The following USH2A variants were observed in gnomAD, a reference collection of about 807,000 sequenced individuals.
USH2A encodes Usher syndrome 2A (autosomal recessive, mild).
In USH2A, 443 loss-of-function variants were observed where a neutral mutation model predicts 538.9. The observed-to-expected ratio is 0.82, with a 90% CI of 0.76 to 0.89. The LOEUF (loss-of-function observed/expected upper bound fraction) is 0.89, where lower values mean the gene tolerates loss of function less well. Ranked by LOEUF, USH2A falls within the 40% of genes least tolerant of loss-of-function variation. USH2A has a pLI of 0.00. For missense variants in USH2A, 6,633 were observed against 6,324.8 expected (o/e 1.05, Z -1.65); for synonymous variants, 2,413 against 2,273.5 (o/e 1.06, Z -1.75).
intron 21 of USH2A, among the ~76,000 whole-genome samples, chr1:216,108,743 T>C (rs1571967917): frequency 6.6e-6 from 1 of 152,092 alleles, no homozygotes; most frequent in African/African-American, 2.4e-5. Flanking sequence ...ATTATACTTA[T>C]CCAATAAAGT....
intron 4 of USH2A, 129 bp downstream of exon 4, chr1:216,364,824 G>T: frequency 1.6e-6 from 2 of 1,212,764 alleles, no homozygotes; most frequent in Non-Finnish European, 2.3e-6. Context: ...CCATCCAGTT[G>T]GTGGTAATTT....
At chr1:215,952,883 T>C (rs1666958528) in intron 37 of USH2A, among the ~76,000 whole-genome samples, 2 of 152,060 alleles carry the variant, frequency 1.3e-5, no homozygotes, top group Admixed American at 1.3e-4. Context: ...TCGAGGAGTA[T>C]CTTTGCAAAA....
At chr1:216,256,845 G>C (rs1019062777) in intron 11 of USH2A, among the ~76,000 whole-genome samples, 1 of 151,872 alleles carries the variant, frequency 6.6e-6, no homozygotes, top group South Asian at 2.1e-4. Flanking sequence ...TCAATGGTAG[G>C]CCATTAGTAG....
intron 38 of USH2A, among the ~76,000 whole-genome samples, chr1:215,914,644 C>T (rs1571808609): frequency 6.6e-6 from 1 of 152,118 alleles, no homozygotes; most frequent in Non-Finnish European, 1.5e-5. Flanking sequence ...CTTGATCTAT[C>T]CAATATCTCC....
At position 216,163,794 on chromosome 1, in the gene USH2A, T is replaced by C. The variant is rs532223515; in HGVS notation, c.4627+11458A>G. Among the ~76,000 whole-genome samples, 46 of 151,918 alleles carry C rather than the reference T, an allele frequency of 3.0e-4. 1 individual carries two copies. In the South Asian group the frequency reaches 8.5e-3, roughly 28 times the overall value. ...TAATTTTTTGCCTGTCTTTTTTTTT[T>C]CCCTAAGACTATGCAATAGAGGAAT... On this transcript the variant is annotated intron_variant, in intron 21 of 71. Transcript: ENST00000307340.
chr1:216,289,497 G>C (rs1002853157), intron 10 of USH2A, 87 bp from the exon 11 acceptor site: 50 of 1,584,626 alleles, frequency 3.2e-5, no homozygotes, highest in Admixed American at 1.3e-4. Flanking sequence ...ATTCCTTTGA[G>C]GGAATTCTAT....
At chr1:215,960,876 T>G (rs1350363803) in intron 37 of USH2A, among the ~76,000 whole-genome samples, 2 of 152,078 alleles carry the variant, frequency 1.3e-5, no homozygotes, top group Non-Finnish European at 2.9e-5. Flanking sequence ...CTGTTCCACT[T>G]GTCACACCAT....
chr1:215,821,121 A>G (rs1341809105), intron 47 of USH2A, among the ~76,000 whole-genome samples: 1 of 151,744 alleles, frequency 6.6e-6, no homozygotes, highest in Non-Finnish European at 1.5e-5. Context: ...GAATTGCTAC[A>G]TTATACAGTA....
intron 32 of USH2A, among the ~76,000 whole-genome samples, chr1:216,042,230 T>C (rs2030308111): frequency 6.6e-6 from 1 of 152,078 alleles, no homozygotes; most frequent in Non-Finnish European, 1.5e-5. Context: ...CTCAATTTTG[T>C]TAACATGAAT....
intron 38 of USH2A, among the ~76,000 whole-genome samples, chr1:215,923,806 G>C (rs1666164323): frequency 6.6e-6 from 1 of 151,988 alleles, no homozygotes; most frequent in Non-Finnish European, 1.5e-5. Context: ...AATGGTGAGA[G>C]GGATAGAGAA....
chr1:215,764,411 G>A (rs1558087920), intron 56 of USH2A, among the ~76,000 whole-genome samples: 1 of 152,120 alleles, frequency 6.6e-6, no homozygotes, highest in Non-Finnish European at 1.5e-5. Context: ...GAACTCACAT[G>A]GATGGCAGTA....
chr1:215,721,947 C>T (rs541376538), intron 61 of USH2A, among the ~76,000 whole-genome samples: 1 of 152,034 alleles, frequency 6.6e-6, no homozygotes, highest in African/African-American at 2.4e-5. Context: ...CACCTATAGT[C>T]CCAGCTACTT....
chr1:215,800,054 G>C (rs1662278223), intron 49 of USH2A, among the ~76,000 whole-genome samples: 2 of 151,936 alleles, frequency 1.3e-5, no homozygotes, highest in Non-Finnish European at 1.5e-5. Flanking sequence ...TAAAATCAAA[G>C]GACTCAAATA....
chr1:216,009,492 G>A (rs2102490738), intron 32 of USH2A, among the ~76,000 whole-genome samples: 1 of 152,202 alleles, frequency 6.6e-6, no homozygotes, highest in Non-Finnish European at 1.5e-5. Context: ...ACGGTCTGAG[G>A]TGCCTGACGT....
In USH2A at chr1:216,217,587, T is replaced by C; in HGVS notation, c.2994-37A>G. 4 of 1,608,328 alleles carry C rather than the reference T, an allele frequency of 2.5e-6. 1 individual carries two copies. Among genetic ancestry groups the C allele is most frequent in the Non-Finnish European group, 3.4e-6 (4 of 1,176,242 alleles). On this transcript the variant is annotated intron_variant, in intron 14 of 71. Transcript: ENST00000307340. ...GCAAATAAACCATCAAAGAGAATAG[T>C]GTTTTGATTAATAATTCATAGTATA...
intron 50 of USH2A, among the ~76,000 whole-genome samples, chr1:215,794,394 C>T (rs368125235): frequency 2.0e-5 from 3 of 152,112 alleles, no homozygotes; most frequent in South Asian, 2.1e-4. Context: ...TGCCAGGCAG[C>T]GAGAGAGGCC....
intron 35 of USH2A, among the ~76,000 whole-genome samples, chr1:215,971,328 G>A (rs914983947): frequency 3.9e-5 from 6 of 152,070 alleles, no homozygotes; most frequent in African/African-American, 1.4e-4. Flanking sequence ...TGTCAGTCAG[G>A]ACATTCAAAA....
Position 216,083,643 on chromosome 1 carries a change from G to A in USH2A, c.5168-57C>T, listed in dbSNP as rs1452065056. On this transcript the variant is annotated intron_variant, in intron 25 of 71. Coordinates refer to ENST00000307340, the MANE Select transcript of USH2A (RefSeq NM_206933.4). ...TGTGTAACACAATATTGCCAGCATT[G>A]TAAGGGTGCTAAGAAACTCTAGGAC... 4.4e-6 allele frequency: 7 copies of A among 1,574,638 alleles called. No individual in the cohort carries two copies. In the Admixed American group the frequency reaches 1.1e-4, roughly 24 times the overall value.
intron 30 of USH2A, among the ~76,000 whole-genome samples, chr1:216,056,921 T>C (rs895054695): frequency 4.6e-5 from 7 of 152,134 alleles, no homozygotes; most frequent in Non-Finnish European, 1.0e-4. Context: ...AACAGAAAAG[T>C]CTGGCTGTGC....
Sources: allele counts gnomAD v4.1 joint callset (sites outside exome capture counted in the v4.1 genomes callset), GRCh38; gene constraint gnomAD v4.1.1; transcripts MANE v1.5; gene names NCBI Gene and HGNC (gene_info 2026-07-23, HGNC 2026-07-21).